Variants in FAM149A observed in about 807,000 individuals in gnomAD.
The protein encoded by FAM149A is protein FAM149A.
FAM149A carries 71 observed loss-of-function variants against 78.2 expected under a neutral mutation model. That is an observed-to-expected ratio of 0.91 (90% CI 0.75 to 1.11). FAM149A has a LOEUF of 1.11. Among genes scored for constraint, FAM149A ranks in the 50% least tolerant of loss-of-function variants. The pLI, the probability that FAM149A is intolerant of heterozygous loss-of-function variation, is 0.00. For synonymous variants in FAM149A, 446 were observed against 410.5 expected, an observed-to-expected ratio of 1.09 and a Z score of -1.04; for missense variants, 1,036 against 971.0, an observed-to-expected ratio of 1.07 and a Z score of -0.89.
In FAM149A at chr4:186,139,449, A is replaced by T. The variant is rs147516261; in HGVS notation, c.567-9724A>T. 2.9e-3 allele frequency among the ~76,000 whole-genome samples: 447 copies of T among 152,246 alleles called. 5 individuals carry two copies. Among genetic ancestry groups the T allele is most frequent in the African/African-American group, 0.01 (432 of 41,530 alleles). ...TGCAAAGCCCTCGTGAGTGGGATTCATGCCTTTATGAAGGAGGCCCTGGGG... is the reference window on the plus strand; with the variant it reads ...TGCAAAGCCCTCGTGAGTGGGATTCTTGCCTTTATGAAGGAGGCCCTGGGG... On this transcript the variant is annotated intron_variant, in intron 1 of 13. Transcript: ENST00000389354.
chr4:186,152,079 G>A, intron 4 of FAM149A, 34 bp downstream of exon 4: 1 of 1,610,474 alleles, frequency 6.2e-7, no homozygotes, highest in South Asian at 1.1e-5. Context: ...CTCTGGGGTG[G>A]GTTTTCCAAG....
At position 186,172,207 on chromosome 4, in the gene FAM149A, A is replaced by G. The variant is rs1190583212; in HGVS notation, c.*220A>G. On this transcript the variant is annotated 3_prime_UTR_variant, in exon 14 of 14. Transcript: ENST00000389354. Reference sequence around the variant, plus strand: ...AGCTGCCTTGCTGAAAGCATCTCCAAGGTTCTGTAGGCTTTGTTCAGAAGC... The same window carrying G: ...AGCTGCCTTGCTGAAAGCATCTCCAGGGTTCTGTAGGCTTTGTTCAGAAGC... 3.7e-6 allele frequency: 2 copies of G among 542,910 alleles called. No homozygotes were observed. Among genetic ancestry groups the G allele is most frequent in the Non-Finnish European group, 5.9e-6 (2 of 336,992 alleles). The allele number at this position is 542,910 out of a possible 1,614,324, so 33.6% of individuals were successfully genotyped here. A position where few individuals can be genotyped will look rare whatever the true frequency, so the allele number is the denominator to read the frequency against.
At position 186,153,633 on chromosome 4, in the gene FAM149A, T is replaced by C. The variant is rs772335644; in HGVS notation, c.933-12T>C. On this transcript the variant is annotated splice_polypyrimidine_tract_variant and intron_variant, in intron 4 of 13. Transcript: ENST00000389354. ...GATCAAAAATGTCAGTAGCTTCTCT[T>C]TGACCTCGCAGAGTATTAGGAAGAC... 6.2e-7 allele frequency: 1 copy of C among 1,604,220 alleles called. No individual in the cohort carries two copies. The highest frequency in any genetic ancestry group is 8.5e-7 in the Non-Finnish European group (1 of 1,172,334).
At chr4:186,168,732 G>T (rs1344949674) in intron 13 of FAM149A, among the ~76,000 whole-genome samples, 2 of 152,184 alleles carry the variant, frequency 1.3e-5, no homozygotes, top group Non-Finnish European at 2.9e-5. Flanking sequence ...TCATGGATGG[G>T]TGTATCAAGT....
intron 1 of FAM149A, chr4:186,133,272 T>C: frequency 1.2e-6 from 1 of 859,416 alleles, no homozygotes; most frequent in Non-Finnish European, 1.4e-6. Context: ...ACATTCACAG[T>C]GTTGTGCAGT....
intron 13 of FAM149A, chr4:186,167,514 A>T (rs891474465): frequency 0.15 from 3,041 of 20,012 alleles, 87 homozygotes; most frequent in African/African-American, 0.35. Flanking sequence ...CCTCACTCAA[A>T]AAAAAAAAAA....
intron 8 of FAM149A, among the ~76,000 whole-genome samples, chr4:186,160,337 C>A (rs942313621): frequency 6.9e-6 from 1 of 145,606 alleles, no homozygotes; most frequent in Non-Finnish European, 1.5e-5. Context: ...ACACACCACA[C>A]ACAAACACAC....
intron 1 of FAM149A, among the ~76,000 whole-genome samples, chr4:186,111,811 G>A (rs1175435150): frequency 6.6e-6 from 1 of 151,248 alleles, no homozygotes; most frequent in African/African-American, 2.4e-5. Flanking sequence ...TTGTAGTATA[G>A]TTTGAAGTCA....
At chr4:186,135,813 C>T (rs930607925) in intron 1 of FAM149A, among the ~76,000 whole-genome samples, 1 of 152,152 alleles carries the variant, frequency 6.6e-6, no homozygotes, top group African/African-American at 2.4e-5. Flanking sequence ...CTGAATAGAC[C>T]CACAAAAGTG....
chr4:186,158,541 T>C (rs1734252691), intron 8 of FAM149A: 2 of 940,458 alleles, frequency 2.1e-6, no homozygotes, highest in Non-Finnish European at 1.2e-6. Flanking sequence ...CTGATGCAGC[T>C]GTGGCCAAGG....
chr4:186,132,337 A>T, intron 1 of FAM149A: 1 of 578,348 alleles, frequency 1.7e-6, no homozygotes, highest in Non-Finnish European at 2.2e-6. Flanking sequence ...TGATGCAGAG[A>T]TAAACAGTGG....
chr4:186,129,801 T>TA (rs1397897921), intron 1 of FAM149A, among the ~76,000 whole-genome samples: 1 of 152,162 alleles, frequency 6.6e-6, no homozygotes, highest in Non-Finnish European at 1.5e-5. Context: ...AAAGAAATGT[T>TA]AAAAATAAAT....
At chr4:186,137,861 ATATAT>A (rs1275528199) in intron 1 of FAM149A, among the ~76,000 whole-genome samples, 1 of 151,496 alleles carries the variant, frequency 6.6e-6, no homozygotes, top group Non-Finnish European at 1.5e-5. Flanking sequence ...ATATTAAATA[ATATAT>A]TCTATATTTT....
At chr4:186,141,819 A>G (rs1453720643) in intron 1 of FAM149A, among the ~76,000 whole-genome samples, 1 of 152,216 alleles carries the variant, frequency 6.6e-6, no homozygotes, top group African/African-American at 2.4e-5. Flanking sequence ...TTAAAAAATC[A>G]TAAGAGAATT....
At chr4:186,156,323 A>ATT in intron 7 of FAM149A, 133 bp downstream of exon 7, 1 of 659,768 alleles carries the variant, frequency 1.5e-6, no homozygotes. Context: ...GACTTTACTC[A>ATT]TGAGTGCTCT....
chr4:186,164,421 G>A lies in FAM149A; in HGVS notation c.1889+788G>A. 3 of 984,204 alleles carry A rather than the reference G, an allele frequency of 3.0e-6. No homozygotes were observed. The highest frequency in any genetic ancestry group is 4.7e-5 in the South Asian group (1 of 21,258). 61.0% of individuals were successfully genotyped at this position (984,204 alleles called of 1,614,324 possible). ...CCCACTGGACCCCCGGCCTGCAGGGGAGCTGTTATCAGGAGCCGAGCTCAG... is the reference window on the plus strand; with the variant it reads ...CCCACTGGACCCCCGGCCTGCAGGGAAGCTGTTATCAGGAGCCGAGCTCAG... On this transcript the variant is annotated intron_variant, in intron 10 of 13. Transcript: ENST00000389354. This position sits in a 1 kb window ranked among gnomAD's most constrained non-coding sequence, Gnocchi z 4.0.
chr4:186,105,918 G>A (rs2099308570), intron 1 of FAM149A, among the ~76,000 whole-genome samples: 1 of 152,166 alleles, frequency 6.6e-6, no homozygotes, highest in South Asian at 2.1e-4. Context: ...TCTTCTACCA[G>A]AAGCATTGCT....
rs191717558 is a variant in FAM149A, at chr4:186,117,438, G to A, written c.566+11796G>A. The A allele has an allele frequency of 3.0e-6, 3 of 985,374 alleles. No individual in the cohort carries two copies. The African/African-American group carries it at 5.2e-5, about 17-fold the overall frequency. The allele number at this position is 985,374 out of a possible 1,614,324, so 61.0% of individuals were successfully genotyped here. On this transcript the variant is annotated intron_variant, in intron 1 of 13. Transcript: ENST00000389354. ...AGTGGTTTCAGACACACTGCTGTGA[G>A]CACACAGCTAAGAGAGAAGAGGAGG...
At chr4:186,162,375 TC>T (rs1208694028) in intron 8 of FAM149A, among the ~76,000 whole-genome samples, 1 of 152,152 alleles carries the variant, frequency 6.6e-6, no homozygotes, top group Non-Finnish European at 1.5e-5. Context: ...CCTGTGCTTC[TC>T]CCAGTTCTCT....
Sources: gnomAD v4.1 joint callset for allele counts (sites outside exome capture counted in the v4.1 genomes callset) on GRCh38, gnomAD v4.1.1 for gene constraint, Gnocchi (gnomAD v3.1) non-coding constraint, MANE v1.5 for transcripts, NCBI Gene and HGNC (gene_info 2026-07-23, HGNC 2026-07-21) for gene names.